Variants in TRIQK observed in about 807,000 individuals in gnomAD.
The protein encoded by TRIQK is triple QxxK/R motif containing.
TRIQK carries 10 observed loss-of-function variants against 10.8 expected under a neutral mutation model. That is an observed-to-expected ratio of 0.92 (90% CI 0.57 to 1.57). TRIQK has a LOEUF of 1.57. Among genes scored for constraint, TRIQK ranks in the 40% most tolerant of loss-of-function variants. The pLI, the probability that TRIQK is intolerant of heterozygous loss-of-function variation, is 0.00. For synonymous variants in TRIQK, 33 were observed against 33.7 expected (o/e 0.98, Z 0.07); for missense variants, 107 against 97.7 (o/e 1.09, Z -0.40).
intron 1 of TRIQK, among the ~76,000 whole-genome samples, chr8:93,003,593 C>A (rs1813237793): frequency 6.6e-6 from 1 of 152,098 alleles, no homozygotes; most frequent in Non-Finnish European, 1.5e-5. Flanking sequence ...CACAATCAGG[C>A]CTTTCCAACC....
intron 1 of TRIQK, among the ~76,000 whole-genome samples, chr8:92,961,511 A>G (rs142392144): frequency 6.6e-6 from 1 of 152,364 alleles, no homozygotes; most frequent in East Asian, 1.9e-4. Context: ...CCTTTTCCAC[A>G]TAGATAATTA....
chr8:92,914,081 C>A (rs1368709601), intron 3 of TRIQK, among the ~76,000 whole-genome samples: 2 of 152,156 alleles, frequency 1.3e-5, no homozygotes, highest in African/African-American at 4.8e-5. Flanking sequence ...AACAAACCTG[C>A]ACGTTCTGCA....
chr8:92,990,273 G>T (rs1813083177), intron 1 of TRIQK, among the ~76,000 whole-genome samples: 1 of 152,178 alleles, frequency 6.6e-6, no homozygotes, highest in Non-Finnish European at 1.5e-5. Flanking sequence ...AAATTAACCA[G>T]AACATCTGCT....
chr8:92,931,987 T>C (rs547935147), intron 2 of TRIQK, among the ~76,000 whole-genome samples: 2 of 152,304 alleles, frequency 1.3e-5, no homozygotes, highest in East Asian at 3.9e-4. Flanking sequence ...CAATAGTAGG[T>C]TATGCTGAGA....
intron 2 of TRIQK, among the ~76,000 whole-genome samples, chr8:92,927,569 G>A (rs1289953001): frequency 1.3e-5 from 2 of 152,160 alleles, no homozygotes; most frequent in Non-Finnish European, 2.9e-5. Flanking sequence ...TTATTATTGA[G>A]ATGGAGTAAG....
At position 92,949,196 on chromosome 8, in the gene TRIQK, A is replaced by T. The variant is rs375156967; in HGVS notation, c.-22+5210T>A. 2.0e-5 allele frequency among the ~76,000 whole-genome samples: 3 copies of T among 152,176 alleles called. No individual in the cohort carries two copies. In the East Asian group the frequency reaches 5.8e-4, roughly 29 times the overall value. ...ATTCTTTGCTCAATTAAACTTGTTA[A>T]ATTTAATTTGTCTAAGTTTTTTCTT... is the stretch of plus-strand genomic sequence containing the variant. On this transcript the variant is annotated intron_variant, in intron 2 of 4. Transcript: ENST00000521988.
At chr8:92,969,788 T>A (rs2130736393), upstream of TRIQK, among the ~76,000 whole-genome samples, 1 of 106,782 alleles carries the variant, frequency 9.4e-6, no homozygotes, top group African/African-American at 3.3e-5. Flanking sequence ...AAAAAATTAA[T>A]TTTTTTTAAA....
chr8:92,933,324 T>C (rs1349248226), intron 2 of TRIQK, among the ~76,000 whole-genome samples: 1 of 152,130 alleles, frequency 6.6e-6, no homozygotes, highest in Non-Finnish European at 1.5e-5. Context: ...TTTCTAAAAT[T>C]TGTGAGTCAC....
intron 1 of TRIQK, among the ~76,000 whole-genome samples, chr8:92,960,895 G>A (rs905175813): frequency 7.9e-5 from 12 of 152,280 alleles, no homozygotes; most frequent in South Asian, 4.1e-4. Context: ...TGTGTTATAA[G>A]AGGAACAAAA....
chr8:92,909,403 G>A (rs1186794620), intron 3 of TRIQK, among the ~76,000 whole-genome samples: 6 of 151,930 alleles, frequency 3.9e-5, no homozygotes, highest in Middle Eastern at 3.4e-3. Flanking sequence ...GGTAAACTAC[G>A]CAAAAAGTAA....
intron 2 of TRIQK, among the ~76,000 whole-genome samples, chr8:92,948,910 A>C (rs1282892975): frequency 1.3e-5 from 2 of 152,198 alleles, no homozygotes; most frequent in Non-Finnish European, 2.9e-5. Context: ...GTGCACAGTA[A>C]ACTGTAACCT....
At chr8:93,012,893 T>C (rs191196870) in intron 1 of TRIQK, among the ~76,000 whole-genome samples, 1 of 152,316 alleles carries the variant, frequency 6.6e-6, no homozygotes, top group East Asian at 1.9e-4. Context: ...TCTAGATGTA[T>C]TGAATCAGAA....
chr8:92,934,379 T>C (rs1382945210), intron 2 of TRIQK, among the ~76,000 whole-genome samples: 1 of 151,908 alleles, frequency 6.6e-6, no homozygotes, highest in African/African-American at 2.4e-5. Context: ...TCCTTAAATA[T>C]TAAGACAGAA....
intron 2 of TRIQK, among the ~76,000 whole-genome samples, chr8:92,952,611 A>G (rs1586488865): frequency 1.3e-5 from 2 of 152,040 alleles, no homozygotes; most frequent in African/African-American, 4.8e-5. Context: ...AGCTCAAAGA[A>G]CACCAAAAAG....
At chr8:92,956,761 C>A (rs574143847) in intron 1 of TRIQK, among the ~76,000 whole-genome samples, 3 of 151,694 alleles carry the variant, frequency 2.0e-5, no homozygotes, top group Middle Eastern at 3.4e-3. Flanking sequence ...ATAAATAGTC[C>A]CATGTCATTT....
chr8:92,959,626 C>A (rs547008772), intron 1 of TRIQK, among the ~76,000 whole-genome samples: 1 of 151,988 alleles, frequency 6.6e-6, no homozygotes, highest in Non-Finnish European at 1.5e-5. Flanking sequence ...CCTTTATACA[C>A]ATGCTCCTCA....
At chr8:92,988,209 G>A (rs929384511) in intron 1 of TRIQK, among the ~76,000 whole-genome samples, 24 of 151,430 alleles carry the variant, frequency 1.6e-4, no homozygotes, top group African/African-American at 5.8e-4. Context: ...GTAGAGACGT[G>A]GTTTCACCGT....
intron 1 of TRIQK, among the ~76,000 whole-genome samples, chr8:92,955,648 T>C (rs1264229786): frequency 6.6e-6 from 1 of 151,662 alleles, no homozygotes; most frequent in East Asian, 1.9e-4. Flanking sequence ...GTCTGCAGAA[T>C]AGAAGAAAAT....
At chr8:92,896,628 C>A (rs1424159984) in intron 3 of TRIQK, among the ~76,000 whole-genome samples, 2 of 152,098 alleles carry the variant, frequency 1.3e-5, no homozygotes, top group Non-Finnish European at 2.9e-5. Flanking sequence ...CCAATGCCTG[C>A]CCCAATGTGA....
Sources: gnomAD v4.1 joint callset for allele counts (sites outside exome capture counted in the v4.1 genomes callset) on GRCh38, gnomAD v4.1.1 for gene constraint, MANE v1.5 for transcripts, NCBI Gene and HGNC (gene_info 2026-07-23, HGNC 2026-07-21) for gene names.